KCND3: variants seen among roughly 807,000 people sequenced by gnomAD.
The protein encoded by KCND3 is A-type voltage-gated potassium channel KCND3.
In KCND3, 9 loss-of-function variants were observed where a neutral mutation model predicts 51.1. That is an observed-to-expected ratio of 0.18 (90% confidence interval 0.11 to 0.31). KCND3 has a LOEUF of 0.31. Among genes scored for constraint, KCND3 ranks in the 10% least tolerant of loss-of-function variants. KCND3 has a pLI of 1.00. For synonymous variants in KCND3, 349 were observed against 368.0 expected (o/e 0.95, Z 0.59); for missense variants, 526 against 903.8 (o/e 0.58, Z 5.36).
At chr1:111,823,869 A>C (rs1361083494) in intron 2 of KCND3, among the ~76,000 whole-genome samples, 1 of 152,188 alleles carries the variant, frequency 6.6e-6, no homozygotes, top group Non-Finnish European at 1.5e-5. Context: ...ATAATCAGGA[A>C]GCATCTAAAA....
intron 2 of KCND3, among the ~76,000 whole-genome samples, chr1:111,901,486 A>G (rs1670379277): frequency 6.6e-6 from 1 of 152,236 alleles, no homozygotes; most frequent in East Asian, 1.9e-4. Flanking sequence ...TTCAACAAAT[A>G]TTCATAGTGC....
chr1:111,983,422 A>C (rs2102003179), intron 1 of KCND3, among the ~76,000 whole-genome samples: 1 of 152,214 alleles, frequency 6.6e-6, no homozygotes, highest in Middle Eastern at 3.4e-3. Context: ...CTCCCTGGCA[A>C]AGTGCTACTC....
Position 111,793,568 on chromosome 1 carries a change from G to T in KCND3, c.1107-6462C>A, listed in dbSNP as rs542940393. ...GTTTGTTGAATGTATGAGTTAATGA[G>T]TAAATTAACTCAATGTTGTTGCAAA... On this transcript the variant is annotated intron_variant, in intron 2 of 7. Coordinates refer to ENST00000302127, the MANE Select transcript of KCND3 (RefSeq NM_001378969.1). 5.1e-4 allele frequency among the ~76,000 whole-genome samples: 78 copies of T among 152,310 alleles called. 1 individual carries two copies. Among genetic ancestry groups the T allele is most frequent in the East Asian group, 3.9e-4 (2 of 5,180 alleles).
intron 2 of KCND3, among the ~76,000 whole-genome samples, chr1:111,810,089 C>T (rs1665782033): frequency 1.3e-5 from 2 of 152,242 alleles, no homozygotes; most frequent in African/African-American, 2.4e-5. Flanking sequence ...TCTTGTCTGC[C>T]ATTTCTGCCC....
chr1:111,903,985 G>A (rs888532620), intron 2 of KCND3, among the ~76,000 whole-genome samples: 3 of 152,168 alleles, frequency 2.0e-5, no homozygotes, highest in East Asian at 1.9e-4. Context: ...AGAAGTGAGC[G>A]GAAGGACAAG....
chr1:111,913,057 A>G (rs570763577), intron 2 of KCND3, among the ~76,000 whole-genome samples: 1 of 152,338 alleles, frequency 6.6e-6, no homozygotes, highest in African/African-American at 2.4e-5. Context: ...AGCAACTTCC[A>G]GTTCTGCAAG....
intron 2 of KCND3, among the ~76,000 whole-genome samples, chr1:111,974,758 G>C (rs1366762016): frequency 6.6e-6 from 1 of 152,198 alleles, no homozygotes; most frequent in Non-Finnish European, 1.5e-5. Flanking sequence ...TGTTTAATGG[G>C]TGTGTTTAAA....
At chr1:111,969,373 G>A (rs1432604892) in intron 2 of KCND3, among the ~76,000 whole-genome samples, 2 of 152,152 alleles carry the variant, frequency 1.3e-5, no homozygotes, top group African/African-American at 4.8e-5. Context: ...AGAGGTTGTG[G>A]AAGGAGATTT....
chr1:111,834,758 A>C (rs1205323071), intron 2 of KCND3, among the ~76,000 whole-genome samples: 1 of 152,164 alleles, frequency 6.6e-6, no homozygotes, highest in Non-Finnish European at 1.5e-5. Flanking sequence ...GAAACACAGA[A>C]ATTTATTACA....
intron 1 of KCND3, chr1:111,988,802 T>A (rs1675454343): frequency 6.6e-6 from 1 of 152,098 alleles, no homozygotes. Flanking sequence ...TGCTGACATA[T>A]CAGGGCTGCC....
intron 2 of KCND3, among the ~76,000 whole-genome samples, chr1:111,890,291 G>T (rs72692583): frequency 0.079 from 12,080 of 152,188 alleles, 515 homozygotes; most frequent in East Asian, 0.17. Flanking sequence ...GTTTCTGAGT[G>T]TGCTCTCAGG....
At position 111,774,013 on chromosome 1, in the gene KCND3, G is replaced by A. The variant is rs1221999853; in HGVS notation, c.*2064C>T. The A allele has an allele frequency of 6.6e-6, 1 of 152,250 alleles. No homozygotes were observed. The highest frequency in any genetic ancestry group is 1.5e-5 in the Non-Finnish European group (1 of 68,094). 9.4% of individuals were successfully genotyped at this position (152,250 alleles called of 1,614,324 possible). A position where few individuals can be genotyped will look rare whatever the true frequency, so the allele number is the denominator to read the frequency against. ...CTTAGTCTGTAAGCTCAGAGGGCAA[G>A]AACCACTCCATTCCCACATTAGGGG... is the stretch of plus-strand genomic sequence containing the variant. On this transcript the variant is annotated 3_prime_UTR_variant, in exon 8 of 8. Coordinates refer to ENST00000302127, the MANE Select transcript of KCND3 (RefSeq NM_001378969.1).
At chr1:111,968,111 G>A (rs1216235548) in intron 2 of KCND3, among the ~76,000 whole-genome samples, 1 of 152,206 alleles carries the variant, frequency 6.6e-6, no homozygotes, top group African/African-American at 2.4e-5. Context: ...AGGGAGGTGG[G>A]CATAATGCTT....
chr1:111,864,658 C>A, intron 2 of KCND3, among the ~76,000 whole-genome samples: 1 of 152,182 alleles, frequency 6.6e-6, no homozygotes, highest in East Asian at 1.9e-4. Flanking sequence ...TTTTGCTCCA[C>A]TAAGGACAGT....
intron 1 of KCND3, among the ~76,000 whole-genome samples, chr1:111,984,050 A>C (rs1675124708): frequency 6.6e-6 from 1 of 152,216 alleles, no homozygotes; most frequent in Admixed American, 6.5e-5. Flanking sequence ...CATCTCCACT[A>C]ATCCTAAACT....
intron 2 of KCND3, among the ~76,000 whole-genome samples, chr1:111,800,149 G>A (rs2101542308): frequency 7.0e-6 from 1 of 143,370 alleles, no homozygotes; most frequent in East Asian, 2.0e-4. Flanking sequence ...TGCCGTGTCT[G>A]TGTAGAAAGA....
intron 2 of KCND3, among the ~76,000 whole-genome samples, chr1:111,806,917 A>G (rs1456867126): frequency 1.3e-5 from 2 of 152,228 alleles, no homozygotes; most frequent in African/African-American, 4.8e-5. Flanking sequence ...CTTTACCTTC[A>G]GGGTGAAGAC....
At chr1:111,815,981 A>G (rs6656315) in intron 2 of KCND3, among the ~76,000 whole-genome samples, 2,407 of 152,248 alleles carry the variant, frequency 0.016, 60 homozygotes, top group African/African-American at 0.054. Flanking sequence ...ATAAGGGGAA[A>G]AGGGAGGCAG....
At chr1:111,888,887 G>A (rs1669694734) in intron 2 of KCND3, among the ~76,000 whole-genome samples, 1 of 151,974 alleles carries the variant, frequency 6.6e-6, no homozygotes, top group Non-Finnish European at 1.5e-5. Flanking sequence ...AGGCTGCAGA[G>A]GAGAGGAAGG....
Sources: gnomAD v4.1 joint callset for allele counts (sites outside exome capture counted in the v4.1 genomes callset) on GRCh38, gnomAD v4.1.1 for gene constraint, MANE v1.5 for transcripts, NCBI Gene and HGNC (gene_info 2026-07-23, HGNC 2026-07-21) for gene names.